The following DMD variants were observed in gnomAD, a reference collection of about 807,000 sequenced individuals.
The protein encoded by DMD is mutant dystrophin.
Under a neutral mutation model 330.1 loss-of-function variants are expected in DMD, and 63 were observed. The observed-to-expected ratio is 0.19, with a 90% confidence interval of 0.16 to 0.24. DMD has a LOEUF of 0.24. Ranked by LOEUF, DMD falls within the 10% of genes least tolerant of loss-of-function variation. The probability of loss-of-function intolerance (pLI) is 1.00; values close to 1 mark genes in which losing one functional copy is unlikely to be tolerated. For missense variants in DMD, 3,344 were observed against 2,684.1 expected (o/e 1.25, Z -5.43); for synonymous variants, 1,223 against 959.8 (o/e 1.27, Z -5.07).
Position 32,213,667 on chromosome X carries a change from A to G in DMD, c.6438+3249T>C, listed in dbSNP as rs755174599. ...GATTGAGAAAAAATAGACTAAATAA[A>G]ATGGTCTTTTTAAAATTATCCAGTT... On this transcript the variant is annotated intron_variant, in intron 44 of 78. Coordinates refer to ENST00000357033, the MANE Select transcript of DMD (RefSeq NM_004006.3). Among the ~76,000 whole-genome samples the G allele has an allele frequency of 5.4e-5, 6 of 112,065 alleles. No individual in the cohort carries two copies. The East Asian group carries it at 1.7e-3, about 31-fold the overall frequency.
At chrX:32,492,204 G>T (rs773178123) in intron 19 of DMD, among the ~76,000 whole-genome samples, 1 of 111,267 alleles carries the variant, frequency 9.0e-6, no homozygotes, top group Non-Finnish European at 1.9e-5. Flanking sequence ...CGGGCGTGGT[G>T]GCGGGCGCCT....
intron 60 of DMD, among the ~76,000 whole-genome samples, chrX:31,382,496 A>T (rs1285455702): frequency 2.7e-5 from 3 of 111,598 alleles, no homozygotes; most frequent in Non-Finnish European, 3.8e-5. Flanking sequence ...CTATCCCCAA[A>T]CCACCACTCT....
chrX:31,942,836 T>C (rs1773477562), intron 45 of DMD, among the ~76,000 whole-genome samples: 1 of 112,289 alleles, frequency 8.9e-6, no homozygotes. Flanking sequence ...TTAGTTCCTA[T>C]ATTAATAATC....
intron 1 of DMD, among the ~76,000 whole-genome samples, chrX:33,171,912 G>A (rs776529691): frequency 2.7e-5 from 3 of 110,912 alleles, no homozygotes; most frequent in East Asian, 5.7e-4. Context: ...GATAGGAAAA[G>A]GATCTCTAAA....
At chrX:32,760,839 A>C (rs772996833) in intron 7 of DMD, among the ~76,000 whole-genome samples, 1 of 111,633 alleles carries the variant, frequency 9.0e-6, no homozygotes, top group African/African-American at 3.3e-5. Flanking sequence ...ATATAAATGC[A>C]CACTCGATAG....
chrX:32,034,651 T>C (rs939141575), intron 44 of DMD, among the ~76,000 whole-genome samples: 2 of 111,636 alleles, frequency 1.8e-5, no homozygotes, highest in Non-Finnish European at 3.8e-5. Context: ...TAATACAGTT[T>C]CATGGTGTCA....
chrX:31,758,292 T>C (rs998896425), intron 51 of DMD, among the ~76,000 whole-genome samples: 1 of 110,864 alleles, frequency 9.0e-6, no homozygotes, highest in Non-Finnish European at 1.9e-5. Flanking sequence ...AGAATTAAAG[T>C]GGGGTAGACT....
At chrX:33,028,062 G>C (rs913443521) in intron 1 of DMD, among the ~76,000 whole-genome samples, 1 of 112,059 alleles carries the variant, frequency 8.9e-6, no homozygotes, top group African/African-American at 3.2e-5. Context: ...GCAATGTCAG[G>C]CTTGGCTTTT....
chrX:31,650,431 G>A (rs1228723773), intron 54 of DMD, among the ~76,000 whole-genome samples: 2 of 111,196 alleles, frequency 1.8e-5, no homozygotes, highest in Non-Finnish European at 3.8e-5. Flanking sequence ...AAGCCATTCA[G>A]TGCCCAACAT....
At chrX:31,473,300 G>A (rs777806554) in intron 59 of DMD, among the ~76,000 whole-genome samples, 7 of 106,667 alleles carry the variant, frequency 6.6e-5, no homozygotes, top group East Asian at 6.0e-4. Flanking sequence ...CCCAGGAGGC[G>A]GAGGTTGCAG....
At chrX:32,511,508 C>T (rs760602895) in intron 18 of DMD, among the ~76,000 whole-genome samples, 5 of 75,658 alleles carry the variant, frequency 6.6e-5, no homozygotes, top group South Asian at 1.8e-3. Context: ...GGTGACAGAG[C>T]GAGGCTCCGT....
At chrX:32,674,718 G>C (rs1312023805) in intron 9 of DMD, among the ~76,000 whole-genome samples, 1 of 111,090 alleles carries the variant, frequency 9.0e-6, no homozygotes, top group Non-Finnish European at 1.9e-5. Context: ...ACATTTAGCT[G>C]TAAACAAGGG....
intron 63 of DMD, among the ~76,000 whole-genome samples, chrX:31,259,727 AT>A (rs912731706): frequency 8.1e-5 from 9 of 111,609 alleles, no homozygotes; most frequent in Admixed American, 6.7e-4. Flanking sequence ...TAATAAAACC[AT>A]TTTTTGGCTA....
At chrX:31,527,742 G>C (rs920668894) in intron 55 of DMD, among the ~76,000 whole-genome samples, 3 of 111,321 alleles carry the variant, frequency 2.7e-5, no homozygotes, top group South Asian at 3.8e-4. Flanking sequence ...CAACCTCCTG[G>C]TTCCTAGTTC....
At chrX:31,571,631 T>C (rs1890143311) in intron 55 of DMD, among the ~76,000 whole-genome samples, 1 of 111,208 alleles carries the variant, frequency 9.0e-6, no homozygotes, top group Non-Finnish European at 1.9e-5. Flanking sequence ...ATATAAAATA[T>C]CTTCATCATC....
At chrX:31,958,782 C>T (rs1172368048) in intron 45 of DMD, among the ~76,000 whole-genome samples, 2 of 112,037 alleles carry the variant, frequency 1.8e-5, no homozygotes, top group Non-Finnish European at 3.8e-5. Context: ...TCAGTGTCTT[C>T]AGCCCTTGTC....
At chrX:31,173,095 C>T (rs2040163982) in intron 72 of DMD, among the ~76,000 whole-genome samples, 1 of 111,335 alleles carries the variant, frequency 9.0e-6, no homozygotes, top group Non-Finnish European at 1.9e-5. Context: ...ACAGAAAAGT[C>T]CAAGGATTAG....
At chrX:32,682,800 T>G (rs780760142) in intron 9 of DMD, among the ~76,000 whole-genome samples, 1 of 112,002 alleles carries the variant, frequency 8.9e-6, no homozygotes, top group Non-Finnish European at 1.9e-5. Context: ...TAACTAGTTG[T>G]GCTCGTGAGT....
At chrX:32,025,433 A>C (rs1320947448) in intron 44 of DMD, among the ~76,000 whole-genome samples, 1 of 111,909 alleles carries the variant, frequency 8.9e-6, no homozygotes, top group African/African-American at 3.2e-5. Context: ...ACCATTGCTC[A>C]GTAGTCATGT....
Sources: allele counts gnomAD v4.1 joint callset (sites outside exome capture counted in the v4.1 genomes callset), GRCh38; gene constraint gnomAD v4.1.1; transcripts MANE v1.5; gene names NCBI Gene and HGNC (gene_info 2026-07-23, HGNC 2026-07-21).